The following CNTNAP5 variants were observed in gnomAD, a reference collection of about 807,000 sequenced individuals.
CNTNAP5 encodes contactin associated protein family member 5.
In CNTNAP5, 72 loss-of-function variants were observed where a neutral mutation model predicts 150.2. That is an observed-to-expected ratio of 0.48 (90% CI 0.40 to 0.58). The LOEUF (loss-of-function observed/expected upper bound fraction) is 0.58, where lower values mean the gene tolerates loss of function less well. CNTNAP5 is among the 20% of genes least tolerant of loss of function. The probability of loss-of-function intolerance (pLI) is 0.00; values close to 1 mark genes in which losing one functional copy is unlikely to be tolerated. For missense variants in CNTNAP5, 1,636 were observed against 1,626.2 expected (o/e 1.01, Z -0.10); for synonymous variants, 672 against 619.8 (o/e 1.08, Z -1.25).
At chr2:124,632,845 T>A (rs529849735) in intron 12 of CNTNAP5, among the ~76,000 whole-genome samples, 1 of 152,234 alleles carries the variant, frequency 6.6e-6, no homozygotes, top group East Asian at 1.9e-4. Flanking sequence ...CAGAAAAGTT[T>A]CAGTCATGGC....
chr2:124,416,476 G>A (rs1691920466), intron 3 of CNTNAP5, among the ~76,000 whole-genome samples: 1 of 151,566 alleles, frequency 6.6e-6, no homozygotes, highest in Non-Finnish European at 1.5e-5. Context: ...CATAGCTTTT[G>A]TGCTGTGTAT....
intron 1 of CNTNAP5, among the ~76,000 whole-genome samples, chr2:124,093,243 G>A (rs1682856082): frequency 6.6e-6 from 1 of 152,206 alleles, no homozygotes; most frequent in Admixed American, 6.5e-5. Context: ...AAATTGGCAA[G>A]TCCTTTGGCT....
chr2:124,820,742 T>C (rs1050266603), intron 19 of CNTNAP5, among the ~76,000 whole-genome samples: 4 of 152,236 alleles, frequency 2.6e-5, no homozygotes, highest in Admixed American at 6.5e-5. Flanking sequence ...CTGTATACCA[T>C]GCCTGTATTA....
At chr2:124,154,845 A>G (rs1206835603) in intron 1 of CNTNAP5, among the ~76,000 whole-genome samples, 1 of 152,116 alleles carries the variant, frequency 6.6e-6, no homozygotes, top group East Asian at 1.9e-4. Context: ...ATTGCCTGAT[A>G]TCTAGGCTCC....
chr2:124,832,984 A>C (rs1487139601), intron 19 of CNTNAP5, among the ~76,000 whole-genome samples: 1 of 148,664 alleles, frequency 6.7e-6, no homozygotes, highest in Non-Finnish European at 1.5e-5. Flanking sequence ...ATCTCAGTTC[A>C]CTGCAACATC....
intron 3 of CNTNAP5, among the ~76,000 whole-genome samples, chr2:124,332,249 AT>A (rs939054508): frequency 1.3e-5 from 2 of 151,444 alleles, no homozygotes; most frequent in African/African-American, 4.8e-5. Context: ...ACAAAAATAC[AT>A]TTTCATGTCT....
At chr2:124,645,011 A>G (rs780256459) in intron 12 of CNTNAP5, among the ~76,000 whole-genome samples, 42 of 152,362 alleles carry the variant, frequency 2.8e-4, no homozygotes, top group Non-Finnish European at 3.2e-4. Flanking sequence ...ATTTAGTATT[A>G]TAGATTAGAC....
chr2:124,525,032 C>T (rs574160884), intron 9 of CNTNAP5, among the ~76,000 whole-genome samples: 35 of 152,306 alleles, frequency 2.3e-4, no homozygotes, highest in Admixed American at 2.0e-3. Flanking sequence ...CACATTCTGC[C>T]TTCTCTGATG....
intron 3 of CNTNAP5, among the ~76,000 whole-genome samples, chr2:124,397,011 T>G (rs1239725263): frequency 6.6e-6 from 1 of 152,180 alleles, no homozygotes; most frequent in Non-Finnish European, 1.5e-5. Context: ...TCTTCTTGAG[T>G]CTCAGTCTCC....
chr2:124,779,209 G>C (rs542881233), intron 17 of CNTNAP5, among the ~76,000 whole-genome samples: 2 of 152,346 alleles, frequency 1.3e-5, no homozygotes, highest in African/African-American at 4.8e-5. Context: ...TTTCCAGGGG[G>C]ATTCACATCC....
chr2:124,865,261 A>G (rs893240008), intron 19 of CNTNAP5, 45 bp from the exon 20 acceptor site: 27 of 1,488,874 alleles, frequency 1.8e-5, no homozygotes, highest in East Asian at 1.7e-4. Context: ...TTTGCATTTT[A>G]TAGGTGCTGC....
intron 19 of CNTNAP5, among the ~76,000 whole-genome samples, chr2:124,852,433 G>A (rs753676344): frequency 1.3e-5 from 2 of 152,274 alleles, no homozygotes; most frequent in South Asian, 2.1e-4. Context: ...GCACATTAGG[G>A]GAACATAAAG....
At chr2:124,098,437 A>G (rs1356969054) in intron 1 of CNTNAP5, among the ~76,000 whole-genome samples, 1 of 152,298 alleles carries the variant, frequency 6.6e-6, no homozygotes, top group East Asian at 1.9e-4. Context: ...GGTGAACTGT[A>G]CTCACAGTGC....
chr2:124,546,508 G>A (rs965997093), intron 10 of CNTNAP5, among the ~76,000 whole-genome samples: 7 of 152,098 alleles, frequency 4.6e-5, no homozygotes, highest in African/African-American at 9.7e-5. Flanking sequence ...TTCACATAAG[G>A]AGCTTTTGGA....
intron 18 of CNTNAP5, among the ~76,000 whole-genome samples, chr2:124,797,309 T>C (rs1681867848): frequency 1.3e-5 from 2 of 152,330 alleles, no homozygotes; most frequent in Non-Finnish European, 2.9e-5. Context: ...TCAAGGAGGC[T>C]GGGTGATTTA....
chr2:124,233,774 T>G (rs1573855558), intron 2 of CNTNAP5, among the ~76,000 whole-genome samples: 1 of 138,800 alleles, frequency 7.2e-6, no homozygotes, highest in South Asian at 2.5e-4. Flanking sequence ...ATAGTTGTGA[T>G]GCCTGTGAGT....
chr2:124,204,252 T>G (rs778216770), intron 1 of CNTNAP5, among the ~76,000 whole-genome samples: 1 of 152,130 alleles, frequency 6.6e-6, no homozygotes, highest in Non-Finnish European at 1.5e-5. Context: ...CATAACAAGA[T>G]TCACCTTTTC....
chr2:124,863,778 T>C (rs112297263), intron 19 of CNTNAP5, among the ~76,000 whole-genome samples: 131 of 152,164 alleles, frequency 8.6e-4, no homozygotes, highest in Non-Finnish European at 9.0e-4. Context: ...CTGGGAAAGA[T>C]GGGCAGGCTG....
At position 124,921,047 on chromosome 2, in the gene CNTNAP5, G is replaced by C. The variant is rs1181278615; in HGVS notation, c.*6759G>C. Among the ~76,000 whole-genome samples, 1 of 152,080 alleles carries C rather than the reference G, an allele frequency of 6.6e-6. No homozygotes were observed. Among genetic ancestry groups the C allele is most frequent in the African/African-American group, 2.4e-5 (1 of 41,426 alleles). On this transcript the variant is annotated 3_prime_UTR_variant, in exon 24 of 24. Coordinates refer to ENST00000682447, the MANE Select transcript of CNTNAP5 (RefSeq NM_001367498.1). Reference sequence around the variant, plus strand: ...CCCAAGTGATGTTGCCTCATTCCAAGTCAGTTTTGTAGACCATGTAACATG... The same window carrying C: ...CCCAAGTGATGTTGCCTCATTCCAACTCAGTTTTGTAGACCATGTAACATG...
Sources: allele counts gnomAD v4.1 joint callset (sites outside exome capture counted in the v4.1 genomes callset), GRCh38; gene constraint gnomAD v4.1.1; transcripts MANE v1.5; gene names NCBI Gene and HGNC (gene_info 2026-07-23, HGNC 2026-07-21).